FER: variants seen among roughly 807,000 people sequenced by gnomAD.
The protein encoded by FER is tyrosine-protein kinase Fer.
A neutral mutation model predicts 111.0 loss-of-function variants in FER; 63 were observed. That is an observed-to-expected ratio of 0.57 (90% confidence interval 0.46 to 0.70). FER has a LOEUF of 0.70. FER is among the 30% of genes least tolerant of loss of function. The pLI is 0.00. For missense variants in FER, 914 were observed against 954.0 expected, an observed-to-expected ratio of 0.96 and a Z score of 0.55; for synonymous variants, 327 against 313.9, an observed-to-expected ratio of 1.04 and a Z score of -0.44.
chr5:108,835,521 C>T (rs1271158773), intron 4 of FER, among the ~76,000 whole-genome samples, 187 bp from the exon 5 acceptor site: 1 of 152,050 alleles, frequency 6.6e-6, no homozygotes, highest in Non-Finnish European at 1.5e-5. Context: ...TTTGTTTTCA[C>T]ATGCTATTGA....
chr5:108,771,235 C>A (rs1331855972), intron 2 of FER, among the ~76,000 whole-genome samples: 1 of 152,116 alleles, frequency 6.6e-6, no homozygotes, highest in Non-Finnish European at 1.5e-5. Flanking sequence ...TGCCCGGCCC[C>A]TCTGAAGAAT....
intron 13 of FER, among the ~76,000 whole-genome samples, chr5:108,976,254 T>C (rs1011442716): frequency 1.1e-4 from 16 of 152,212 alleles, no homozygotes; most frequent in Non-Finnish European, 1.5e-4. Flanking sequence ...TGCTGATAAC[T>C]CATCTACTTC....
At chr5:109,139,833 G>A (rs1753329228) in intron 17 of FER, among the ~76,000 whole-genome samples, 1 of 151,990 alleles carries the variant, frequency 6.6e-6, no homozygotes, top group South Asian at 2.1e-4. Context: ...GTAAGTATTG[G>A]TTAGGAAGAT....
At chr5:108,916,005 C>T (rs765932026) in intron 10 of FER, among the ~76,000 whole-genome samples, 5 of 152,128 alleles carry the variant, frequency 3.3e-5, no homozygotes, top group Non-Finnish European at 5.9e-5. Flanking sequence ...CTGCTTTACT[C>T]TCCAGGTTTC....
At position 108,878,857 on chromosome 5, in the gene FER, G is replaced by A. The variant is rs1765358474; in HGVS notation, c.924-4539G>A. On this transcript the variant is annotated intron_variant, in intron 8 of 19. Coordinates refer to ENST00000281092, the MANE Select transcript of FER (RefSeq NM_005246.4). The stretch of plus-strand genomic sequence containing the variant: ...GTACACTTTTGAAGCATATATATGG[G>A]ATAAATTCTAGGATGTGTAATTACT... 3.3e-5 allele frequency among the ~76,000 whole-genome samples: 5 copies of A among 152,054 alleles called. No homozygotes were observed. In the South Asian group the frequency reaches 1.0e-3, roughly 32 times the overall value.
chr5:108,862,371 C>T (rs138764307), intron 5 of FER, among the ~76,000 whole-genome samples: 1 of 152,078 alleles, frequency 6.6e-6, no homozygotes, highest in African/African-American at 2.4e-5. Context: ...TTTAGTGAAT[C>T]ATTTTACACC....
At chr5:109,039,646 G>T (rs568291802) in intron 14 of FER, among the ~76,000 whole-genome samples, 1 of 152,154 alleles carries the variant, frequency 6.6e-6, no homozygotes, top group African/African-American at 2.4e-5. Flanking sequence ...GGGAAGAGGG[G>T]TCTATGCAGA....
chr5:109,111,625 A>G (rs973201221), intron 17 of FER, among the ~76,000 whole-genome samples: 1 of 152,200 alleles, frequency 6.6e-6, no homozygotes, highest in African/African-American at 2.4e-5. Flanking sequence ...TAACTGACTC[A>G]CAGTTCCACA....
At chr5:108,754,738 T>G (rs1750894417) in intron 1 of FER, among the ~76,000 whole-genome samples, 1 of 152,224 alleles carries the variant, frequency 6.6e-6, no homozygotes. Flanking sequence ...GTAAATCATT[T>G]TGCTTGCAAA....
At chr5:109,035,066 GCT>G (rs900695490) in intron 13 of FER, among the ~76,000 whole-genome samples, 3 of 126,616 alleles carry the variant, frequency 2.4e-5, no homozygotes, top group Non-Finnish European at 3.1e-5. Context: ...ACTGAGTCTC[GCT>G]CTGTCATCAG....
chr5:108,977,496 A>G (rs1465052819), intron 13 of FER, among the ~76,000 whole-genome samples: 1 of 152,200 alleles, frequency 6.6e-6, no homozygotes, highest in Non-Finnish European at 1.5e-5. Context: ...GTGAATCCAC[A>G]CAGTTCAAAC....
intron 10 of FER, among the ~76,000 whole-genome samples, chr5:108,932,486 T>A (rs1754829162): frequency 6.6e-6 from 1 of 152,164 alleles, no homozygotes; most frequent in African/African-American, 2.4e-5. Context: ...AAACATACAT[T>A]TGCATGTGTC....
At chr5:109,184,249 A>C (rs924746310) in intron 18 of FER, among the ~76,000 whole-genome samples, 2 of 152,166 alleles carry the variant, frequency 1.3e-5, no homozygotes, top group Non-Finnish European at 2.9e-5. Context: ...AAGTACTGTG[A>C]AATGGGAGGG....
chr5:108,918,073 C>G (rs1752495135), intron 10 of FER, among the ~76,000 whole-genome samples: 1 of 152,116 alleles, frequency 6.6e-6, no homozygotes. Context: ...GACTATAGTT[C>G]ATAGGATGTA....
intron 13 of FER, among the ~76,000 whole-genome samples, chr5:109,023,276 G>C (rs1768184329): frequency 6.6e-6 from 1 of 152,116 alleles, no homozygotes; most frequent in South Asian, 2.1e-4. Context: ...TGAGAACCTG[G>C]ATGAATAGTA....
At chr5:108,927,587 A>G (rs1753964310) in intron 10 of FER, among the ~76,000 whole-genome samples, 1 of 152,070 alleles carries the variant, frequency 6.6e-6, no homozygotes, top group Non-Finnish European at 1.5e-5. Flanking sequence ...GGGCTTTATT[A>G]TTCCTTTACC....
rs865961805 is a variant in FER, at chr5:109,112,801, T to C, written c.2048+12282T>C. 5.3e-5 allele frequency among the ~76,000 whole-genome samples: 8 copies of C among 152,266 alleles called. No homozygotes were observed. The Middle Eastern group carries it at 0.01, about 194-fold the overall frequency. On this transcript the variant is annotated intron_variant, in intron 17 of 19. Transcript: ENST00000281092. ...TTTGAAAACTGCTTAAAAATGAATG[T>C]CTAATGCAGAAGGGTCACTGCAGTT...
chr5:108,791,983 C>T (rs960771781), intron 2 of FER, among the ~76,000 whole-genome samples: 1 of 152,226 alleles, frequency 6.6e-6, no homozygotes, highest in African/African-American at 2.4e-5. Context: ...TAGAAAATCA[C>T]TTTACCATAA....
At chr5:109,148,736 T>A (rs546028505) in intron 17 of FER, among the ~76,000 whole-genome samples, 2 of 152,302 alleles carry the variant, frequency 1.3e-5, no homozygotes, top group African/African-American at 4.8e-5. Flanking sequence ...ACTTTTTTTC[T>A]TGGCCAAGAC....
Sources: gnomAD v4.1 joint callset for allele counts (sites outside exome capture counted in the v4.1 genomes callset) on GRCh38, gnomAD v4.1.1 for gene constraint, MANE v1.5 for transcripts, NCBI Gene and HGNC (gene_info 2026-07-23, HGNC 2026-07-21) for gene names.